VPS13D: variants seen among roughly 807,000 people sequenced by gnomAD.
VPS13D encodes intermembrane lipid transfer protein VPS13D.
A neutral mutation model predicts 461.9 loss-of-function variants in VPS13D; 187 were observed. The observed-to-expected ratio is 0.40, with a 90% CI of 0.36 to 0.46. The LOEUF is 0.46. VPS13D is among the 20% of genes least tolerant of loss of function. VPS13D has a pLI of 0.60. For synonymous variants in VPS13D, 1,951 were observed against 1,986.3 expected (o/e 0.98, Z 0.47); for missense variants, 4,711 against 5,364.9 (o/e 0.88, Z 3.81).
intron 63 of VPS13D, among the ~76,000 whole-genome samples, chr1:12,409,293 T>C (rs1208131451): frequency 6.6e-6 from 1 of 152,188 alleles, no homozygotes; most frequent in African/African-American, 2.4e-5. Context: ...CCCTTCTCTA[T>C]GGTTTTAAAA....
chr1:12,362,649 T>C, intron 50 of VPS13D, 71 bp from the exon 51 acceptor site: 7 of 1,450,712 alleles, frequency 4.8e-6, no homozygotes, highest in Non-Finnish European at 6.6e-6. Context: ...GTGAAGGTTA[T>C]TTATTTTTGT....
chr1:12,391,479 G>T (rs1044547560), intron 60 of VPS13D, among the ~76,000 whole-genome samples: 2 of 147,770 alleles, frequency 1.4e-5, no homozygotes, highest in African/African-American at 5.3e-5. Context: ...GGACCTGCTC[G>T]AGCCCAATCA....
chr1:12,321,833 G>T lies in VPS13D; in HGVS notation c.7573G>T (p.Glu2525Ter). The change falls in exon 33 of 70, where the codon GAG becomes TAG. Residue 2525 changes from glutamate to a stop codon, truncating the protein, a stop_gained. Coordinates refer to ENST00000620676, the MANE Select transcript of VPS13D (RefSeq NM_015378.4). LOFTEE classifies it high-confidence loss of function. Reference protein sequence around the residue: ...IEVFSCRLGNEHDTALSIVDP... With the variant: ...IEVFSCRLGN ...GGTGTTTTCATGCCGACTAGGGAAT[G>T]AGCATGATACAGCTCTTTCAATTGT... 6.2e-7 allele frequency: 1 copy of T among 1,604,158 alleles called. No homozygotes were observed. Among genetic ancestry groups the T allele is most frequent in the South Asian group, 1.1e-5 (1 of 88,816 alleles).
chr1:12,291,966 T>A (rs982342939), intron 23 of VPS13D, among the ~76,000 whole-genome samples: 1 of 152,110 alleles, frequency 6.6e-6, no homozygotes, highest in Admixed American at 6.6e-5. Context: ...ATTAAAGAAT[T>A]ATTTTCTCAG....
At chr1:12,252,348 G>T (rs548509614) in intron 6 of VPS13D, among the ~76,000 whole-genome samples, 2 of 152,096 alleles carry the variant, frequency 1.3e-5, no homozygotes, top group African/African-American at 4.8e-5. Context: ...TGCCCCCACC[G>T]CACACATCCA....
At chr1:12,478,209 A>G (rs893654601) in intron 67 of VPS13D, among the ~76,000 whole-genome samples, 1 of 152,258 alleles carries the variant, frequency 6.6e-6, no homozygotes, top group African/African-American at 2.4e-5. Flanking sequence ...TGAACTAACA[A>G]CCCTGTAGTC....
chr1:12,243,999 T>C (rs1640465851), intron 3 of VPS13D, among the ~76,000 whole-genome samples: 1 of 152,200 alleles, frequency 6.6e-6, no homozygotes, highest in Non-Finnish European at 1.5e-5. Context: ...GGAGGGATGT[T>C]ACTGTTGATG....
rs541269780 is a variant in VPS13D at position 12,415,357 on chromosome 1, G to T, written c.12165+136G>T. 377 of 1,155,600 alleles carry T rather than the reference G, an allele frequency of 3.3e-4. 3 individuals are homozygous for T. The African/African-American group carries it at 5.5e-3, about 17-fold the overall frequency. The allele number at this position is 1,155,600 out of a possible 1,614,324, so 71.6% of individuals were successfully genotyped here. A position where few individuals can be genotyped will look rare whatever the true frequency, so the allele number is the denominator to read the frequency against. ...TCAACTCTGTTGTGTTACGGGTCAG[G>T]TCACTTCCCAAGAAGCCCGTATGTG... On this transcript the variant is annotated intron_variant, in intron 64 of 69. Coordinates refer to ENST00000620676, the MANE Select transcript of VPS13D (RefSeq NM_015378.4).
At chr1:12,345,533 A>G (rs761488878) in intron 43 of VPS13D, 24 bp downstream of exon 43, 2 of 1,598,266 alleles carry the variant, frequency 1.3e-6, no homozygotes, top group Admixed American at 1.7e-5. Flanking sequence ...AGGAAGTCAG[A>G]TGGTTAAGCG....
rs1557652138 is a variant in VPS13D, at chr1:12,230,119, A to T, written c.-78A>T. Reference sequence around the variant, plus strand: ...GGGGCGGGCGGCCCGGGACACCGACAGGTAGGGGCCGAGCGGCTCCGTGCC... The same window carrying T: ...GGGGCGGGCGGCCCGGGACACCGACTGGTAGGGGCCGAGCGGCTCCGTGCC... On this transcript the variant is annotated splice_region_variant and 5_prime_UTR_variant, in exon 1 of 70. Coordinates refer to ENST00000620676, the MANE Select transcript of VPS13D (RefSeq NM_015378.4). 6.6e-6 allele frequency: 1 copy of T among 151,724 alleles called. No individual in the cohort carries two copies. The highest frequency in any genetic ancestry group is 2.1e-4 in the South Asian group (1 of 4,836). 9.4% of individuals were successfully genotyped at this position (151,724 alleles called of 1,614,324 possible).
intron 34 of VPS13D, 152 bp from the exon 35 acceptor site, chr1:12,323,554 T>G (rs892858501): frequency 7.5e-6 from 5 of 668,850 alleles, no homozygotes; most frequent in Admixed American, 2.8e-5. Context: ...GTACACTTGA[T>G]AGAATTCTCC....
At position 12,299,336 on chromosome 1, in the gene VPS13D, T is replaced by C. The variant is rs764347212; in HGVS notation, c.6168T>C (p.Asn2056=). Residue 2056 remains asparagine, a synonymous_variant, in exon 25 of 70, where the codon AAT becomes AAC. Transcript: ENST00000620676. This position sits in a 1 kb window ranked among gnomAD's most constrained non-coding sequence, Gnocchi z 4.2. ...ATTTGGGGAAGTTGAAAGTCAAAAA[T>C]AAGTTTCTGTTTGCTGGTTTTCCTG... The part of the protein sequence containing the change: ...VANLGKLKVK[N]KFLFAGFPGT... 3.1e-6 allele frequency: 5 copies of C among 1,613,704 alleles called. No homozygotes were observed. The highest frequency in any genetic ancestry group is 4.2e-6 in the Non-Finnish European group (5 of 1,179,972).
At chr1:12,362,963 G>A (rs1318815212) in intron 51 of VPS13D, 109 bp from the exon 52 acceptor site, 17 of 1,579,916 alleles carry the variant, frequency 1.1e-5, no homozygotes, top group Admixed American at 6.9e-5. Flanking sequence ...CTGTGCCTTT[G>A]GTACCCAGAT....
chr1:12,341,500 G>A (rs559679414), intron 40 of VPS13D, among the ~76,000 whole-genome samples: 2 of 152,152 alleles, frequency 1.3e-5, no homozygotes, highest in African/African-American at 4.8e-5. Flanking sequence ...TATTTCTTTC[G>A]TGATTCCCAC....
rs570761564 is a variant in VPS13D, at chr1:12,342,628, C to G, written c.8733-271C>G. 2.0e-4 allele frequency among the ~76,000 whole-genome samples: 30 copies of G among 152,342 alleles called. No homozygotes were observed. In the East Asian group the frequency reaches 5.8e-3, roughly 29 times the overall value. ...TAAATGCCACTTGAAAAAGTCATGC[C>G]TTAATTCACATGTACCAGATTCTAC... is the stretch of plus-strand genomic sequence containing the variant. On this transcript the variant is annotated intron_variant, in intron 41 of 69. Transcript: ENST00000620676.
At position 12,491,222 on chromosome 1, in the gene VPS13D, G is replaced by A. The variant is rs1277801005; in HGVS notation, c.12663-6278G>A. ...AACCCATCACACAACCCTTAAGGAA[G>A]ATGGCAGCCATCAGTTGAATAAACA... On this transcript the variant is annotated intron_variant, in intron 67 of 69. Transcript: ENST00000620676. Among the ~76,000 whole-genome samples, 3 of 152,220 alleles carry A rather than the reference G, an allele frequency of 2.0e-5. No individual in the cohort carries two copies. In the East Asian group the frequency reaches 5.8e-4, roughly 29 times the overall value.
intron 67 of VPS13D, among the ~76,000 whole-genome samples, chr1:12,490,609 G>A (rs1383689539): frequency 5.3e-5 from 8 of 151,510 alleles, no homozygotes; most frequent in Admixed American, 1.3e-4. Context: ...CTACAGGTCC[G>A]AGATAGATGC....
At chr1:12,417,530 C>A (rs1644809867) in intron 65 of VPS13D, among the ~76,000 whole-genome samples, 1 of 152,120 alleles carries the variant, frequency 6.6e-6, no homozygotes, top group South Asian at 2.1e-4. Context: ...CTGGCTTTTT[C>A]ATGAATGAAC....
At chr1:12,480,841 A>C (rs1385070450) in intron 67 of VPS13D, among the ~76,000 whole-genome samples, 7 of 152,200 alleles carry the variant, frequency 4.6e-5, no homozygotes, top group Non-Finnish European at 8.8e-5. Context: ...ATGCAGAAGG[A>C]AGTCTGGTCT....
Sources: gnomAD v4.1 joint callset for allele counts (sites outside exome capture counted in the v4.1 genomes callset) on GRCh38, gnomAD v4.1.1 for gene constraint, Gnocchi (gnomAD v3.1) non-coding constraint, MANE v1.5 for transcripts, NCBI Gene and HGNC (gene_info 2026-07-23, HGNC 2026-07-21) for gene names.